GATA4: variants seen among roughly 807,000 people sequenced by gnomAD.
GATA4 encodes the protein GATA binding protein 4, also known as transcription factor GATA-4.
In GATA4, 7 loss-of-function variants were observed where a neutral mutation model predicts 37.9. The observed-to-expected ratio is 0.18, with a 90% CI of 0.11 to 0.35. The LOEUF is 0.35. Among genes scored for constraint, GATA4 ranks in the 10% least tolerant of loss-of-function variants. The probability of loss-of-function intolerance (pLI) is 1.00; values close to 1 mark genes in which losing one functional copy is unlikely to be tolerated. For missense variants in GATA4, 647 were observed against 653.0 expected (o/e 0.99, Z 0.10); for synonymous variants, 372 against 292.6 (o/e 1.27, Z -2.77).
chr8:11,698,354 T>C (rs558131080), intron 1 of GATA4, among the ~76,000 whole-genome samples: 20 of 152,354 alleles, frequency 1.3e-4, no homozygotes, highest in South Asian at 1.2e-3. Context: ...TGAGTACTCA[T>C]GCCTGTAGTA....
chr8:11,732,584 A>G (rs974257043), intron 2 of GATA4, among the ~76,000 whole-genome samples: 2 of 152,234 alleles, frequency 1.3e-5, no homozygotes, highest in Admixed American at 1.3e-4. Flanking sequence ...AATTCAAGAT[A>G]GATGTGATTG....
At chr8:11,679,207 C>T (rs939821707) in intron 1 of GATA4, among the ~76,000 whole-genome samples, 1 of 148,912 alleles carries the variant, frequency 6.7e-6, no homozygotes, top group South Asian at 2.1e-4. Context: ...CCTGAATTAT[C>T]TAGATAAAAG....
At chr8:11,680,156 A>G (rs936911622) in intron 1 of GATA4, among the ~76,000 whole-genome samples, 3 of 152,180 alleles carry the variant, frequency 2.0e-5, no homozygotes, top group Admixed American at 2.0e-4. Flanking sequence ...GCGCCTGTAA[A>G]TGACGCCGCT....
upstream of GATA4, among the ~76,000 whole-genome samples, chr8:11,688,070 T>G (rs1268374003): frequency 6.6e-6 from 1 of 152,222 alleles, no homozygotes; most frequent in Non-Finnish European, 1.5e-5. Flanking sequence ...GACACCAGTT[T>G]ATAGATTCAG....
chr8:11,705,263 G>A (rs1169707712), intron 1 of GATA4, among the ~76,000 whole-genome samples: 1 of 151,800 alleles, frequency 6.6e-6, no homozygotes, highest in Non-Finnish European at 1.5e-5. Context: ...GCAGGTTTCA[G>A]GCTTTTAAAG....
At chr8:11,693,567 A>ACC (rs1361776276) in intron 1 of GATA4, among the ~76,000 whole-genome samples, 23 of 76,186 alleles carry the variant, frequency 3.0e-4, no homozygotes, top group African/African-American at 1.1e-3. Context: ...ACACACAGAG[A>ACC]GAGAGAGAGA....
intron 2 of GATA4, among the ~76,000 whole-genome samples, chr8:11,720,028 G>T (rs1479171593): frequency 6.6e-6 from 1 of 152,022 alleles, no homozygotes; most frequent in Non-Finnish European, 1.5e-5. Context: ...TTGAAAAGGG[G>T]TGACCCAAGA....
intron 2 of GATA4, among the ~76,000 whole-genome samples, chr8:11,723,615 A>G (rs1800776863): frequency 1.3e-5 from 2 of 152,200 alleles, no homozygotes; most frequent in Admixed American, 6.5e-5. Context: ...TTGGAGATCA[A>G]TCTCAGAGCT....
At chr8:11,725,444 G>A (rs181573068) in intron 2 of GATA4, among the ~76,000 whole-genome samples, 30 of 152,370 alleles carry the variant, frequency 2.0e-4, no homozygotes, top group Non-Finnish European at 1.0e-4. Context: ...AGAAGCCTCC[G>A]GCTCCGGGCA....
intron 2 of GATA4, among the ~76,000 whole-genome samples, chr8:11,728,073 C>A (rs1168913510): frequency 6.6e-6 from 1 of 152,164 alleles, no homozygotes; most frequent in Non-Finnish European, 1.5e-5. Context: ...TCACTGCAAC[C>A]TCTACCTCCC....
At chr8:11,689,036 C>T (rs531641338), upstream of GATA4, among the ~76,000 whole-genome samples, 1 of 152,158 alleles carries the variant, frequency 6.6e-6, no homozygotes, top group South Asian at 2.1e-4. Context: ...GACCTGAGAC[C>T]CAAAGTTCAA....
At chr8:11,728,264 C>T (rs1007157317) in intron 2 of GATA4, among the ~76,000 whole-genome samples, 2 of 152,274 alleles carry the variant, frequency 1.3e-5, no homozygotes, top group African/African-American at 4.8e-5. Context: ...GTTGGGATTA[C>T]AGGCGTGAGC....
rs899845999 is a variant in GATA4 at position 11,681,507 on chromosome 8, G to T, written c.-274+4444G>T. 115 of 944,440 alleles carry T rather than the reference G, an allele frequency of 1.2e-4. 4 individuals carry two copies. In the African/African-American group the frequency reaches 2.5e-3, roughly 20 times the overall value. The allele number at this position is 944,440 out of a possible 1,614,324, so 58.5% of individuals were successfully genotyped here. ...GCGGCGCTCGCGGGGGGGGGGGGGG[G>T]GATGGGGTCGGTCCCTCTCGGGAAC... On this transcript the variant is annotated intron_variant, in intron 1 of 6. Coordinates refer to the GATA4 transcript ENST00000528712.
chr8:11,686,089 A>T (rs556839427), intron 1 of GATA4, among the ~76,000 whole-genome samples: 2 of 152,354 alleles, frequency 1.3e-5, no homozygotes, highest in African/African-American at 4.8e-5. Context: ...AACAAGTAGC[A>T]GATGCCTTCC....
chr8:11,754,918 G>T (rs769504533), intron 4 of GATA4, 128 bp from the exon 5 acceptor site: 1 of 744,166 alleles, frequency 1.3e-6, no homozygotes, highest in Middle Eastern at 3.4e-4. Context: ...TGTGCAGCCC[G>T]TCTGGGCCCC....
At chr8:11,756,028 T>C (rs936284424) in intron 5 of GATA4, among the ~76,000 whole-genome samples, 1 of 151,784 alleles carries the variant, frequency 6.6e-6, no homozygotes, top group Non-Finnish European at 1.5e-5. Context: ...TAAAATTATA[T>C]ATAAATTTCT....
At position 11,683,607 on chromosome 8, in the gene GATA4, G is replaced by A. The variant is rs145537895; in HGVS notation, c.-274+6544G>A. On this transcript the variant is annotated intron_variant, in intron 1 of 6. Transcript: ENST00000528712. ...AAACATTTACCAAGCTTTCCTCTGC[G>A]CTGGGCGTTATGCCTTGTACTGACA... Among the ~76,000 whole-genome samples the A allele has an allele frequency of 5.5e-4, 84 of 152,186 alleles. No individual in the cohort carries two copies. The East Asian group carries it at 0.014, about 25-fold the overall frequency.
chr8:11,701,507 C>T (rs1418913458), upstream of GATA4, among the ~76,000 whole-genome samples: 2 of 152,180 alleles, frequency 1.3e-5, no homozygotes, highest in East Asian at 3.9e-4. Flanking sequence ...GCCGGCGGCC[C>T]AGCGAGGCCT....
chr8:11,751,643 C>G (rs58944111), intron 4 of GATA4, among the ~76,000 whole-genome samples: 1 of 152,178 alleles, frequency 6.6e-6, no homozygotes, highest in South Asian at 2.1e-4. Context: ...CCACTTCCCC[C>G]AAATGGGCAA....
Sources: gnomAD v4.1 joint callset for allele counts (sites outside exome capture counted in the v4.1 genomes callset) on GRCh38, gnomAD v4.1.1 for gene constraint, MANE v1.5 for transcripts, NCBI Gene and HGNC (gene_info 2026-07-23, HGNC 2026-07-21) for gene names.